Variants in MCM6 observed in about 807,000 individuals in gnomAD.
MCM6 encodes DNA replication licensing factor MCM6.
MCM6 carries 46 observed loss-of-function variants against 94.3 expected under a neutral mutation model. That is an observed-to-expected ratio of 0.49 (90% confidence interval 0.39 to 0.62). The LOEUF is 0.62. Among genes scored for constraint, MCM6 ranks in the 20% least tolerant of loss-of-function variants. The pLI is 0.00. For missense variants in MCM6, 865 were observed against 1,017.9 expected (o/e 0.85, Z 2.04); for synonymous variants, 335 against 351.9 (o/e 0.95, Z 0.54).
chr2:135,874,480 A>G (rs1433007155), intron 1 of MCM6, among the ~76,000 whole-genome samples: 2 of 152,248 alleles, frequency 1.3e-5, no homozygotes, highest in Non-Finnish European at 2.9e-5. Context: ...GGTTTTAAGT[A>G]TACCAAAATT....
intron 11 of MCM6, among the ~76,000 whole-genome samples, chr2:135,853,885 A>G (rs1439983152): frequency 1.3e-5 from 2 of 152,236 alleles, no homozygotes; most frequent in Non-Finnish European, 2.9e-5. Flanking sequence ...TCTATGCACT[A>G]TTCCATTTCT....
In MCM6 at chr2:135,865,147, A is replaced by G; in HGVS notation, c.944T>C (p.Leu315Pro). The G allele has an allele frequency of 6.5e-7, 1 of 1,540,082 alleles. No individual in the cohort carries two copies. Among genetic ancestry groups the G allele is most frequent in the Non-Finnish European group, 8.7e-7 (1 of 1,145,954 alleles). ...CTCAGCTGTCTGTTCCTCATCTCTG[A>G]GCTCTTTCCCCCCAAACTAATGGTA... ...PTNPRFGGKE[L>P]RDEEQTAESI... The change falls in exon 7 of 17, where the codon CTC (leucine) becomes CCC (proline). Residue 315 changes from leucine (L) to proline (P), a missense_variant. Coordinates refer to ENST00000264156, the MANE Select transcript of MCM6 (RefSeq NM_005915.6).
At position 135,876,247 on chromosome 2, in the gene MCM6, T is replaced by G. The variant is rs1680295083; in HGVS notation, c.107+12A>C. ...CGGAGGCGGGCGAGGCCCGGGGCGC[T>G]CGCCGACTTACTCCTCCAAGAAGTC... On this transcript the variant is annotated intron_variant, in intron 1 of 16. Coordinates refer to ENST00000264156, the MANE Select transcript of MCM6 (RefSeq NM_005915.6). The G allele has an allele frequency of 1.3e-6, 2 of 1,584,624 alleles. No homozygotes were observed. Among genetic ancestry groups the G allele is most frequent in the African/African-American group, 1.4e-5 (1 of 72,508 alleles).
chr2:135,851,450 G>GCT lies in MCM6; in HGVS notation c.1867_1868dup (p.Ser623ArgfsTer3). The GCT allele has an allele frequency of 6.2e-7, 1 of 1,613,716 alleles. No homozygotes were observed. The highest frequency in any genetic ancestry group is 8.5e-7 in the Non-Finnish European group (1 of 1,179,838). On this transcript the variant is annotated frameshift_variant, in exon 13 of 17. Transcript: ENST00000264156. LOFTEE classifies it high-confidence loss of function. ...CCATAGCTTCAGAGAGACGAATCAT[G>GCT]CTCTCAAGCTGTCGCACTGTAATCC...
At chr2:135,852,347 AG>A (rs1360754235) in intron 12 of MCM6, among the ~76,000 whole-genome samples, 4 of 152,218 alleles carry the variant, frequency 2.6e-5, no homozygotes, top group African/African-American at 4.8e-5. Flanking sequence ...TCCTGGGTCC[AG>A]AACAGAGTTA....
At chr2:135,871,020 T>C (rs956763556) in intron 2 of MCM6, among the ~76,000 whole-genome samples, 1 of 152,162 alleles carries the variant, frequency 6.6e-6, no homozygotes, top group Admixed American at 6.5e-5. Context: ...CCCAAAGTGT[T>C]AGGATTACAG....
rs2105593266 is a variant in MCM6 at position 135,872,355 on chromosome 2, G to A, written c.254+342C>T. On this transcript the variant is annotated intron_variant, in intron 2 of 16. Transcript: ENST00000264156. ...CCCAGCTATTCGGGAGGCTGACGCAGAAGAATCGCTTGAACCCGGGAGGCA... is the reference window on the plus strand; with the variant it reads ...CCCAGCTATTCGGGAGGCTGACGCAAAAGAATCGCTTGAACCCGGGAGGCA... Among the ~76,000 whole-genome samples the A allele has an allele frequency of 2.0e-5, 3 of 152,290 alleles. No individual in the cohort carries two copies. The East Asian group carries it at 5.8e-4, about 29-fold the overall frequency.
At chr2:135,849,703 A>C (rs1679737602) in intron 13 of MCM6, among the ~76,000 whole-genome samples, 2 of 152,196 alleles carry the variant, frequency 1.3e-5, no homozygotes, top group African/African-American at 4.8e-5. Flanking sequence ...GTCCAAAAGG[A>C]GATCCTAACA....
chr2:135,872,973 TG>T, intron 1 of MCM6, 130 bp from the exon 2 acceptor site: 1 of 1,084,162 alleles, frequency 9.2e-7, no homozygotes, highest in Non-Finnish European at 1.3e-6. Context: ...TTCTGTAACT[TG>T]GGGCAAGTTA....
intron 8 of MCM6, among the ~76,000 whole-genome samples, chr2:135,860,192 G>C (rs571166241): frequency 1.5e-4 from 23 of 152,072 alleles, no homozygotes; most frequent in African/African-American, 5.5e-4. Context: ...GAGTGCAGTG[G>C]CTTGATCTTG....
rs1042805748 is a variant in MCM6 at position 135,859,177 on chromosome 2, G to A, written c.1362+124C>T. The A allele has an allele frequency of 1.1e-5, 8 of 742,602 alleles. No homozygotes were observed. In the South Asian group the frequency reaches 1.6e-4, roughly 15 times the overall value. The allele number at this position is 742,602 out of a possible 1,614,324, so 46.0% of individuals were successfully genotyped here. Reference sequence around the variant, plus strand: ...CCAAAGTACTGGGACAAAGGTGTGAGCCACCGCGCCCAGCTGAGAATGCTG... The same window carrying A: ...CCAAAGTACTGGGACAAAGGTGTGAACCACCGCGCCCAGCTGAGAATGCTG... On this transcript the variant is annotated intron_variant, in intron 9 of 16. Coordinates refer to ENST00000264156, the MANE Select transcript of MCM6 (RefSeq NM_005915.6).
chr2:135,866,204 C>T lies in MCM6; in HGVS notation c.855G>A (p.Arg285=), dbSNP rs954190849. The T allele has an allele frequency of 1.2e-6, 2 of 1,614,046 alleles. No individual in the cohort carries two copies. Among genetic ancestry groups the T allele is most frequent in the African/African-American group, 2.7e-5 (2 of 74,912 alleles). Residue 285 remains arginine (R), a synonymous_variant, in exon 6 of 17, where the codon CGG becomes CGA. Coordinates refer to ENST00000264156, the MANE Select transcript of MCM6 (RefSeq NM_005915.6). ...AAGAAAGGTCCCTAACACCAAGGGC[C>T]CGGAGTCCTCGAATGCCTTCTGTCT... ...GYETEGIRGL[R]ALGVRDLSYR...
At chr2:135,847,972 C>T in intron 14 of MCM6, 81 bp downstream of exon 14, 2 of 1,017,562 alleles carry the variant, frequency 2.0e-6, no homozygotes, top group Non-Finnish European at 1.5e-6. Flanking sequence ...TAGCCAACAG[C>T]AGGTGTACTT....
intron 3 of MCM6, 117 bp downstream of exon 3, chr2:135,870,134 A>C (rs1680174206): frequency 1.4e-6 from 1 of 692,672 alleles, no homozygotes; most frequent in Non-Finnish European, 2.6e-6. Flanking sequence ...GATTTGTATA[A>C]TGTTAAATAG....
chr2:135,866,674 A>C lies in MCM6; in HGVS notation c.670T>G (p.Leu224Val), dbSNP rs749267454. The change falls in exon 5 of 17, where the codon TTA (leucine) becomes GTA (valine). Residue 224 changes from leucine to valine, a missense_variant. By Grantham distance (32) the Leu-to-Val change is conservative. Coordinates refer to ENST00000264156, the MANE Select transcript of MCM6 (RefSeq NM_005915.6). ...ELPRGSIPRS[L>V]EVILRAEAVE... ...GCTTCAGCCCTTAAAATTACTTCTA[A>C]ACTGCGGGGGATACTCCCTCGAGGA... The C allele has an allele frequency of 4.3e-6, 7 of 1,614,104 alleles. No individual in the cohort carries two copies. The South Asian group carries it at 7.7e-5, about 18-fold the overall frequency.
intron 4 of MCM6, 50 bp from the exon 5 acceptor site, chr2:135,866,778 G>A: frequency 6.9e-7 from 1 of 1,446,650 alleles, no homozygotes; most frequent in Non-Finnish European, 9.4e-7. Flanking sequence ...ATACCTTTCA[G>A]ATGCCATATA....
intron 16 of MCM6, among the ~76,000 whole-genome samples, chr2:135,842,336 T>C (rs183842610): frequency 1.3e-3 from 203 of 152,252 alleles, no homozygotes; most frequent in African/African-American, 4.6e-3. Context: ...TGATCTACCT[T>C]CACAGGAAAA....
At chr2:135,843,338 G>T (rs74661059) in intron 16 of MCM6, among the ~76,000 whole-genome samples, 60 of 152,244 alleles carry the variant, frequency 3.9e-4, no homozygotes, top group African/African-American at 1.4e-3. Flanking sequence ...GGTGAGAGCT[G>T]GTGACATAAA....
In MCM6 at chr2:135,875,911, C is replaced by A. The variant is rs1443984426; in HGVS notation, c.107+348G>T. ...TCCCACTCGACCTGGCCGCACCCAG[C>A]GGCCCAGTTACTATACTCAGCGAGC... is the stretch of plus-strand genomic sequence containing the variant. On this transcript the variant is annotated intron_variant, in intron 1 of 16. Transcript: ENST00000264156. Among the ~76,000 whole-genome samples, 6 of 152,374 alleles carry A rather than the reference C, an allele frequency of 3.9e-5. No homozygotes were observed. The South Asian group carries it at 1.0e-3, about 26-fold the overall frequency.
Sources: allele counts gnomAD v4.1 joint callset (sites outside exome capture counted in the v4.1 genomes callset), GRCh38; gene constraint gnomAD v4.1.1; transcripts MANE v1.5; gene names NCBI Gene and HGNC (gene_info 2026-07-23, HGNC 2026-07-21).